PLPPR4: variants seen among roughly 807,000 people sequenced by gnomAD.
The protein encoded by PLPPR4 is phospholipid phosphatase related 4.
A neutral mutation model predicts 56.6 loss-of-function variants in PLPPR4; 24 were observed. The observed-to-expected ratio is 0.42, with a 90% CI of 0.31 to 0.60. PLPPR4 has a LOEUF of 0.60. Ranked by LOEUF, PLPPR4 falls within the 20% of genes least tolerant of loss-of-function variation. The probability of loss-of-function intolerance (pLI) is 0.13; values close to 1 mark genes in which losing one functional copy is unlikely to be tolerated. For synonymous variants in PLPPR4, 326 were observed against 328.1 expected, an observed-to-expected ratio of 0.99 and a Z score of 0.07; for missense variants, 654 against 885.8, an observed-to-expected ratio of 0.74 and a Z score of 3.32.
Position 99,306,734 on chromosome 1 carries a change from C to G in PLPPR4, c.1872C>G (p.Ser624Arg), listed in dbSNP as rs1345609977. 1 of 1,614,030 alleles carries G rather than the reference C, an allele frequency of 6.2e-7. No individual in the cohort carries two copies. The highest frequency in any genetic ancestry group is 8.5e-7 in the Non-Finnish European group (1 of 1,179,990). The change falls in exon 7 of 7, where the codon AGC (serine) becomes AGG (arginine). Residue 624 changes from serine (S) to arginine (R), a missense_variant. Transcript: ENST00000370185. The surrounding 1 kb of genome is among the most constrained non-coding windows in gnomAD (Gnocchi z 4.0). Reference protein sequence around the residue: ...ELNDLNRDSESCESLKDSFGS... With the variant: ...ELNDLNRDSERCESLKDSFGS... ...ACGATCTCAACAGGGACTCAGAAAGCTGTGAGTCTCTGAAAGACAGCTTTG... is the reference window on the plus strand; with the variant it reads ...ACGATCTCAACAGGGACTCAGAAAGGTGTGAGTCTCTGAAAGACAGCTTTG...
chr1:99,299,156 A>C lies in PLPPR4; in HGVS notation c.516A>C (p.Val172=). ...VCKPNYTSLN[V]SCKENSYIVE... ...AACCAAACTATACCTCTCTGAATGT[A>C]TCTTGCAAAGAAAATTCCTACATTG... The change falls in exon 4 of 7, where the codon GTA becomes GTC. Residue 172 remains valine (V), a synonymous_variant. Coordinates refer to ENST00000370185, the MANE Select transcript of PLPPR4 (RefSeq NM_014839.5). 6.2e-7 allele frequency: 1 copy of C among 1,613,378 alleles called. No individual in the cohort carries two copies. The highest frequency in any genetic ancestry group is 8.5e-7 in the Non-Finnish European group (1 of 1,179,550).
intron 2 of PLPPR4, among the ~76,000 whole-genome samples, chr1:99,291,352 TGAAA>T: frequency 6.6e-6 from 1 of 152,196 alleles, no homozygotes; most frequent in South Asian, 2.1e-4. Context: ...TCAACCATTG[TGAAA>T]GACAGAGTGG....
upstream of PLPPR4, among the ~76,000 whole-genome samples, chr1:99,263,158 C>T (rs556940676): frequency 1.2e-4 from 18 of 152,232 alleles, no homozygotes; most frequent in South Asian, 3.3e-3. Flanking sequence ...CCAGGACCTA[C>T]TTGGAGTTTG....
At chr1:99,275,292 T>G (rs563735620) in intron 1 of PLPPR4, among the ~76,000 whole-genome samples, 158 of 152,302 alleles carry the variant, frequency 1.0e-3, no homozygotes, top group Non-Finnish European at 1.8e-3. Flanking sequence ...TAGCTTCCAG[T>G]TGAATTTTAT....
At chr1:99,280,274 C>T (rs531233343) in intron 1 of PLPPR4, among the ~76,000 whole-genome samples, 2 of 152,256 alleles carry the variant, frequency 1.3e-5, no homozygotes, top group South Asian at 2.1e-4. Flanking sequence ...ATTTATATAA[C>T]CTATTTCTGC....
At chr1:99,302,016 C>T (rs961462465) in intron 6 of PLPPR4, 119 bp downstream of exon 6, 16 of 604,830 alleles carry the variant, frequency 2.6e-5, no homozygotes, top group South Asian at 1.0e-4. Context: ...AATCTCTGGC[C>T]GCATCTCCAT....
At chr1:99,264,260 G>C (rs561797045), upstream of PLPPR4, 1 of 576,510 alleles carries the variant, frequency 1.7e-6, no homozygotes, top group African/African-American at 1.9e-5. Context: ...TCGCAAGGGC[G>C]GTAGAGAGCT....
At chr1:99,294,504 T>C (rs1456781970) in intron 2 of PLPPR4, among the ~76,000 whole-genome samples, 1 of 152,102 alleles carries the variant, frequency 6.6e-6, no homozygotes, top group Non-Finnish European at 1.5e-5. Flanking sequence ...GAGACCAGCC[T>C]GGACAACGAG....
At chr1:99,285,509 G>A (rs990862074) in intron 1 of PLPPR4, among the ~76,000 whole-genome samples, 2 of 152,098 alleles carry the variant, frequency 1.3e-5, no homozygotes, top group East Asian at 3.8e-4. Context: ...TGAAGTGATC[G>A]AATAATAGCC....
chr1:99,307,396 A>G lies in PLPPR4; in HGVS notation c.*386A>G, dbSNP rs1384120910. 2 of 208,104 alleles carry G rather than the reference A, an allele frequency of 9.6e-6. No individual in the cohort carries two copies. The highest frequency in any genetic ancestry group is 9.8e-6 in the Non-Finnish European group (1 of 102,434). The allele number at this position is 208,104 out of a possible 1,614,324, so 12.9% of individuals were successfully genotyped here. A position where few individuals can be genotyped will look rare whatever the true frequency, so the allele number is the denominator to read the frequency against. ...AACCCAGAACACACACGTTTTCCCT[A>G]CAGCAGAGGCCATGCAGTATTATAT... On this transcript the variant is annotated 3_prime_UTR_variant, in exon 7 of 7. Transcript: ENST00000370185.
chr1:99,298,505 C>T (rs749421810), intron 3 of PLPPR4, among the ~76,000 whole-genome samples: 1 of 152,064 alleles, frequency 6.6e-6, no homozygotes, highest in Non-Finnish European at 1.5e-5. Context: ...ACCTAGGATA[C>T]GATTGTCATT....
chr1:99,271,705 A>G (rs1459572595), intron 1 of PLPPR4, among the ~76,000 whole-genome samples: 4 of 152,126 alleles, frequency 2.6e-5, no homozygotes, highest in Non-Finnish European at 5.9e-5. Flanking sequence ...TGAGTCTCTG[A>G]TGAAGATTAA....
At chr1:99,267,549 A>G (rs12086507) in intron 1 of PLPPR4, among the ~76,000 whole-genome samples, 13,274 of 152,306 alleles carry the variant, frequency 0.087, 1,047 homozygotes, top group African/African-American at 0.2. Flanking sequence ...TTATACCTAC[A>G]TCTTAGAATA....
intron 1 of PLPPR4, among the ~76,000 whole-genome samples, chr1:99,282,356 T>C (rs1301704259): frequency 6.6e-6 from 1 of 152,214 alleles, no homozygotes; most frequent in Non-Finnish European, 1.5e-5. Context: ...TAGTACATGC[T>C]GTCTCATCTC....
intron 2 of PLPPR4, among the ~76,000 whole-genome samples, chr1:99,289,900 C>A (rs1029826527): frequency 9.9e-5 from 15 of 152,082 alleles, no homozygotes; most frequent in African/African-American, 3.4e-4. Context: ...GATGAACTCT[C>A]TCACCACTCC....
intron 6 of PLPPR4, among the ~76,000 whole-genome samples, chr1:99,305,008 C>T (rs1299898960): frequency 2.0e-5 from 3 of 152,110 alleles, no homozygotes; most frequent in Admixed American, 1.3e-4. Context: ...ATCTGGCTCA[C>T]ATTTAGTGCA....
Position 99,299,239 on chromosome 1 carries a change from C to T in PLPPR4, c.590+9C>T, listed in dbSNP as rs1231796348. 4 of 1,604,674 alleles carry T rather than the reference C, an allele frequency of 2.5e-6. No homozygotes were observed. In the Admixed American group the frequency reaches 6.7e-5, roughly 27 times the overall value. On this transcript the variant is annotated intron_variant, in intron 4 of 6. Coordinates refer to ENST00000370185, the MANE Select transcript of PLPPR4 (RefSeq NM_014839.5). ...GTTATCAACAGTGGCAGGTTAGAAA[C>T]AGATCTAAAAACACTCTGCATCATT...
intron 5 of PLPPR4, 68 bp downstream of exon 5, chr1:99,301,034 A>AATTAGTCACCT: frequency 7.3e-7 from 1 of 1,376,162 alleles, no homozygotes; most frequent in Non-Finnish European, 1.0e-6. Context: ...TGTTGTCTCC[A>AATTAGTCACCT]GGTGACTAAT....
intron 1 of PLPPR4, among the ~76,000 whole-genome samples, chr1:99,287,246 C>T: frequency 8.0e-6 from 1 of 124,254 alleles, no homozygotes; most frequent in East Asian, 2.3e-4. Flanking sequence ...CATAGTATTC[C>T]ATGGTGTATA....
Sources: allele counts gnomAD v4.1 joint callset (sites outside exome capture counted in the v4.1 genomes callset), GRCh38; gene constraint gnomAD v4.1.1; non-coding constraint Gnocchi (gnomAD v3.1); transcripts MANE v1.5; gene names NCBI Gene and HGNC (gene_info 2026-07-23, HGNC 2026-07-21).